The following IPO7 variants were observed in gnomAD, a reference collection of about 807,000 sequenced individuals.
IPO7 encodes the protein importin-7.
In IPO7, 13 loss-of-function variants were observed where a neutral mutation model predicts 136.4. The observed-to-expected ratio is 0.10, with a 90% CI of 0.06 to 0.15. The LOEUF is 0.15. IPO7 is among the 10% of genes least tolerant of loss of function. The pLI, the probability that IPO7 is intolerant of heterozygous loss-of-function variation, is 1.00. For missense variants in IPO7, 857 were observed against 1,240.6 expected (o/e 0.69, Z 4.65); for synonymous variants, 403 against 404.4 (o/e 1.00, Z 0.04).
In IPO7 at chr11:9,386,231, A is replaced by G. The variant is rs147554108; in HGVS notation, c.84+1384A>G. ...GTTAAATCTATTTTATATGTAAATG[A>G]GATCATTATTATACCACACAAAGTG... On this transcript the variant is annotated intron_variant, in intron 1 of 24. Coordinates refer to ENST00000379719, the MANE Select transcript of IPO7 (RefSeq NM_006391.3). 6.0e-4 allele frequency among the ~76,000 whole-genome samples: 91 copies of G among 152,368 alleles called. No individual in the cohort carries two copies. The East Asian group carries it at 0.013, about 22-fold the overall frequency.
chr11:9,421,626 T>C (rs1407602783), intron 8 of IPO7, among the ~76,000 whole-genome samples: 2 of 146,440 alleles, frequency 1.4e-5, no homozygotes, highest in African/African-American at 5.1e-5. Flanking sequence ...AGACTCCATC[T>C]CAAAAAAAAA....
At chr11:9,417,715 CTTTTT>C (rs1191474959) in intron 6 of IPO7, among the ~76,000 whole-genome samples, 2 of 138,380 alleles carry the variant, frequency 1.4e-5, no homozygotes, top group Non-Finnish European at 3.2e-5. Context: ...TTTCTTTTTT[CTTTTT>C]TTTTTTTTTA....
rs544282946 is a variant in IPO7, at chr11:9,396,714, G to C, written c.85-6576G>C. ...TGACTGGCTTCTTTCATACAGTATT[G>C]TTTTCAAAGTTCATACATTGTTGTA... On this transcript the variant is annotated intron_variant, in intron 1 of 24. Coordinates refer to ENST00000379719, the MANE Select transcript of IPO7 (RefSeq NM_006391.3). Among the ~76,000 whole-genome samples the C allele has an allele frequency of 4.6e-5, 7 of 152,156 alleles. 1 individual carries two copies. The highest frequency in any genetic ancestry group is 1.7e-4 in the African/African-American group (7 of 41,504).
At position 9,423,699 on chromosome 11, in the gene IPO7, G is replaced by A; in HGVS notation, c.1042-78G>A. The A allele has an allele frequency of 8.0e-6, 7 of 871,608 alleles. No individual in the cohort carries two copies. In the South Asian group the frequency reaches 9.4e-5, roughly 12 times the overall value. 54.0% of individuals were successfully genotyped at this position (871,608 alleles called of 1,614,324 possible). On this transcript the variant is annotated intron_variant, in intron 9 of 24. Transcript: ENST00000379719. Reference sequence around the variant, plus strand: ...TTAAAATACATATAGTGTTACTTTGGTTTTAATACTTAAAGGAAATTTGAA... The same window carrying A: ...TTAAAATACATATAGTGTTACTTTGATTTTAATACTTAAAGGAAATTTGAA...
intron 4 of IPO7, among the ~76,000 whole-genome samples, chr11:9,411,873 C>T (rs918887678): frequency 8.5e-5 from 13 of 152,102 alleles, no homozygotes; most frequent in Admixed American, 7.9e-4. Flanking sequence ...GTCCACTATT[C>T]AGGGTATTGA....
intron 4 of IPO7, among the ~76,000 whole-genome samples, chr11:9,412,823 C>T (rs112574082): frequency 0.022 from 1,709 of 76,280 alleles, 21 homozygotes; most frequent in Non-Finnish European, 0.042. Context: ...GAGTGAGGCA[C>T]TTTCTCCAAA....
chr11:9,410,332 C>T (rs1854950887), intron 4 of IPO7, among the ~76,000 whole-genome samples: 1 of 152,006 alleles, frequency 6.6e-6, no homozygotes, highest in African/African-American at 2.4e-5. Flanking sequence ...TATTCAAAAA[C>T]TAAGTTGTCT....
At chr11:9,413,685 AATAC>A (rs1471328731) in intron 4 of IPO7, among the ~76,000 whole-genome samples, 1 of 151,820 alleles carries the variant, frequency 6.6e-6, no homozygotes, top group East Asian at 1.9e-4. Context: ...TTGACCTCAT[AATAC>A]ATGTTCAGAA....
intron 24 of IPO7, among the ~76,000 whole-genome samples, chr11:9,442,402 G>A (rs1185032122): frequency 5.3e-5 from 8 of 150,120 alleles, no homozygotes; most frequent in Admixed American, 5.3e-4. Flanking sequence ...GGCTTTTTTC[G>A]TTTTTTTTTG....
Position 9,428,524 on chromosome 11 carries a change from T to C in IPO7, c.1336-16T>C, listed in dbSNP as rs761513683. On this transcript the variant is annotated splice_polypyrimidine_tract_variant and intron_variant, in intron 12 of 24. Transcript: ENST00000379719. ...ATTTGGAACTGTATCAAAATAACTG[T>C]TGTTTATATTTACAGAAAAAGATCT... The C allele has an allele frequency of 4.5e-6, 5 of 1,106,990 alleles. No homozygotes were observed. The Admixed American group carries it at 1.1e-4, about 24-fold the overall frequency. The allele number at this position is 1,106,990 out of a possible 1,614,324, so 68.6% of individuals were successfully genotyped here. A position where few individuals can be genotyped will look rare whatever the true frequency, so the allele number is the denominator to read the frequency against.
intron 4 of IPO7, among the ~76,000 whole-genome samples, chr11:9,411,965 G>T (rs372725744): frequency 1.1e-4 from 16 of 152,258 alleles, no homozygotes; most frequent in Non-Finnish European, 2.1e-4. Context: ...TGCATAAATA[G>T]AGCTGCATAA....
At chr11:9,401,478 C>T (rs1329612097) in intron 1 of IPO7, among the ~76,000 whole-genome samples, 1 of 151,496 alleles carries the variant, frequency 6.6e-6, no homozygotes, top group Admixed American at 6.6e-5. Context: ...GCTCCTGAGC[C>T]TAGCTCAGCA....
At chr11:9,444,434 G>A (rs1234119721) in intron 24 of IPO7, among the ~76,000 whole-genome samples, 4 of 151,574 alleles carry the variant, frequency 2.6e-5, no homozygotes, top group African/African-American at 4.8e-5. Context: ...TGCAATCTCG[G>A]CTCACTGCCA....
intron 18 of IPO7, among the ~76,000 whole-genome samples, chr11:9,434,109 G>A (rs991533807): frequency 2.6e-5 from 4 of 151,872 alleles, no homozygotes; most frequent in Admixed American, 6.6e-5. Context: ...TTTTAGTAGA[G>A]ACAGAGTTTC....
intron 9 of IPO7, 115 bp from the exon 10 acceptor site, chr11:9,423,662 T>A (rs1012629644): frequency 1.1e-5 from 7 of 624,582 alleles, no homozygotes; most frequent in African/African-American, 1.9e-5. Context: ...TACTAACGTT[T>A]GATATTAAGC....
chr11:9,395,761 G>A (rs1229616459), intron 1 of IPO7, among the ~76,000 whole-genome samples: 2 of 151,996 alleles, frequency 1.3e-5, no homozygotes, highest in South Asian at 4.2e-4. Context: ...CCGTTCCCCA[G>A]GCTGAAGTGC....
chr11:9,428,830 T>G (rs2290423), intron 13 of IPO7: 376,886 of 784,008 alleles, frequency 0.48, 92,888 homozygotes, highest in Middle Eastern at 0.57. Flanking sequence ...TCTGTGTTTT[T>G]CATTCAGATC....
At chr11:9,431,558 A>G (rs1855294658) in intron 16 of IPO7, among the ~76,000 whole-genome samples, 1 of 151,932 alleles carries the variant, frequency 6.6e-6, no homozygotes, top group African/African-American at 2.4e-5. Context: ...TTCTTAACAT[A>G]ATGGAAATAT....
intron 6 of IPO7, 133 bp downstream of exon 6, chr11:9,417,281 A>G (rs887869269): frequency 4.2e-6 from 2 of 479,650 alleles, no homozygotes; most frequent in African/African-American, 4.0e-5. Flanking sequence ...TCTAGATTAG[A>G]GGTACCTTTT....
Sources: allele counts gnomAD v4.1 joint callset (sites outside exome capture counted in the v4.1 genomes callset), GRCh38; gene constraint gnomAD v4.1.1; transcripts MANE v1.5; gene names NCBI Gene and HGNC (gene_info 2026-07-23, HGNC 2026-07-21).